PDE1A: variants seen among roughly 807,000 people sequenced by gnomAD.
PDE1A encodes the protein phosphodiesterase 1A, also known as dual specificity calcium/calmodulin-dependent 3',5'-cyclic nucleotide phosphodiesterase 1A.
Under a neutral mutation model 61.7 loss-of-function variants are expected in PDE1A, and 35 were observed. That is an observed-to-expected ratio of 0.57 (90% CI 0.43 to 0.75). The LOEUF is 0.75. PDE1A is among the 30% of genes least tolerant of loss of function. The pLI is 0.00. For missense variants in PDE1A, 597 were observed against 630.6 expected (o/e 0.95, Z 0.57); for synonymous variants, 232 against 213.2 (o/e 1.09, Z -0.77).
chr2:182,166,167 T>C (rs573644382), downstream of PDE1A, among the ~76,000 whole-genome samples: 1 of 152,120 alleles, frequency 6.6e-6, no homozygotes, highest in Admixed American at 6.5e-5. Flanking sequence ...CTTGACTGGA[T>C]TGAGGGATGC....
At chr2:182,143,316 A>T (rs535195438), downstream of PDE1A, among the ~76,000 whole-genome samples, 351 of 152,314 alleles carry the variant, frequency 2.3e-3, 1 homozygote, top group African/African-American at 8.0e-3. Context: ...AATTTCAAAA[A>T]AAAACATGTT....
At chr2:182,336,845 T>A (rs1385240687) in intron 1 of PDE1A, among the ~76,000 whole-genome samples, 3 of 150,894 alleles carry the variant, frequency 2.0e-5, no homozygotes. Flanking sequence ...CAACAGGGCC[T>A]GTTGGGGGTA....
the PDE1A span, among the ~76,000 whole-genome samples, chr2:182,652,977 A>C: frequency 6.6e-6 from 1 of 152,172 alleles, no homozygotes; most frequent in African/African-American, 2.4e-5. Context: ...ACATGGACAC[A>C]CAAGTGCACC....
At chr2:182,329,154 G>A (rs942324279) in intron 1 of PDE1A, among the ~76,000 whole-genome samples, 2 of 152,044 alleles carry the variant, frequency 1.3e-5, no homozygotes, top group Non-Finnish European at 2.9e-5. Flanking sequence ...TTACCAGTAG[G>A]CATAGTAAAT....
At chr2:182,272,838 A>G (rs1693131109) in intron 1 of PDE1A, among the ~76,000 whole-genome samples, 1 of 152,196 alleles carries the variant, frequency 6.6e-6, no homozygotes. Context: ...AGGAGGAAGA[A>G]AGAAGTTGTA....
the PDE1A span, among the ~76,000 whole-genome samples, chr2:182,565,807 A>G: frequency 8.7e-4 from 132 of 152,322 alleles, no homozygotes; most frequent in African/African-American, 3.0e-3. Context: ...GGAATTGAAC[A>G]CAGCAAACTT....
At chr2:182,372,643 G>A (rs1700181357) in intron 1 of PDE1A, among the ~76,000 whole-genome samples, 1 of 152,202 alleles carries the variant, frequency 6.6e-6, no homozygotes, top group African/African-American at 2.4e-5. Flanking sequence ...CCTGAAGAGT[G>A]AGAAGGTACA....
At chr2:182,385,443 A>G (rs1305797995) in intron 1 of PDE1A, among the ~76,000 whole-genome samples, 1 of 152,146 alleles carries the variant, frequency 6.6e-6, no homozygotes, top group East Asian at 1.9e-4. Context: ...ATAAATGTAT[A>G]TTTTGTGGGT....
chr2:182,187,385 T>C (rs1441897613), intron 11 of PDE1A, among the ~76,000 whole-genome samples: 1 of 152,264 alleles, frequency 6.6e-6, no homozygotes, highest in East Asian at 1.9e-4. Context: ...TATTCTAAGG[T>C]CTGTGTACAT....
At chr2:182,642,444 G>C in the PDE1A span, among the ~76,000 whole-genome samples, 1 of 152,160 alleles carries the variant, frequency 6.6e-6, no homozygotes, top group East Asian at 1.9e-4. Flanking sequence ...ATGTGGATTA[G>C]AGATGTCATA....
chr2:182,611,709 A>G, the PDE1A span, among the ~76,000 whole-genome samples: 1 of 152,212 alleles, frequency 6.6e-6, no homozygotes, highest in South Asian at 2.1e-4. Flanking sequence ...TTAACAATTT[A>G]TATTGCCAGG....
At chr2:182,557,705 C>T in the PDE1A span, among the ~76,000 whole-genome samples, 3 of 151,592 alleles carry the variant, frequency 2.0e-5, no homozygotes. Context: ...GAGCAAGACC[C>T]TATCTCAAAA....
At chr2:182,244,431 A>G (rs1690799815) in intron 2 of PDE1A, among the ~76,000 whole-genome samples, 1 of 151,596 alleles carries the variant, frequency 6.6e-6, no homozygotes, top group Non-Finnish European at 1.5e-5. Flanking sequence ...TGTCTCTTTT[A>G]AGTTTTGTGG....
upstream of PDE1A, among the ~76,000 whole-genome samples, chr2:182,429,307 A>G (rs1049447451): frequency 2.6e-5 from 4 of 152,124 alleles, no homozygotes; most frequent in Non-Finnish European, 5.9e-5. Context: ...GTAGTATTCA[A>G]TAAGACAAAG....
upstream of PDE1A, among the ~76,000 whole-genome samples, chr2:182,523,870 C>T (rs1351950699): frequency 1.5e-4 from 23 of 152,064 alleles, no homozygotes; most frequent in Non-Finnish European, 2.2e-4. Flanking sequence ...ATACAAATGA[C>T]ACTGATGCTA....
At chr2:182,715,659 T>C in the PDE1A span, among the ~76,000 whole-genome samples, 1 of 152,222 alleles carries the variant, frequency 6.6e-6, no homozygotes, top group Non-Finnish European at 1.5e-5. Context: ...AGAACAACGA[T>C]AACTCCCCAG....
intron 6 of PDE1A, among the ~76,000 whole-genome samples, chr2:182,227,445 A>G (rs1689231252): frequency 6.6e-6 from 1 of 152,076 alleles, no homozygotes; most frequent in African/African-American, 2.4e-5. Context: ...ATAATTAACA[A>G]TTCTTTTAGC....
At chr2:182,332,527 A>G (rs1472818994) in intron 1 of PDE1A, among the ~76,000 whole-genome samples, 3 of 151,992 alleles carry the variant, frequency 2.0e-5, no homozygotes, top group Admixed American at 6.6e-5. Context: ...TGACCTTCGC[A>G]TGGGGTTTCT....
At chr2:182,652,369 C>A in the PDE1A span, among the ~76,000 whole-genome samples, 1 of 152,180 alleles carries the variant, frequency 6.6e-6, no homozygotes, top group East Asian at 1.9e-4. Flanking sequence ...TAGAAACACA[C>A]TTACCTCTCT....
Sources: gnomAD v4.1 joint callset for allele counts (sites outside exome capture counted in the v4.1 genomes callset) on GRCh38, gnomAD v4.1.1 for gene constraint, MANE v1.5 for transcripts, NCBI Gene and HGNC (gene_info 2026-07-23, HGNC 2026-07-21) for gene names.